The following METTL5 variants were observed in gnomAD, a reference collection of about 807,000 sequenced individuals.
The protein encoded by METTL5 is methyltransferase 5, N6-adenosine, also known as rRNA N(6)-adenosine-methyltransferase METTL5.
METTL5 carries 28 observed loss-of-function variants against 26.5 expected under a neutral mutation model. The observed-to-expected ratio is 1.06, with a 90% CI of 0.78 to 1.45. The LOEUF is 1.45. Ranked by LOEUF, METTL5 falls within the 40% of genes most tolerant of loss-of-function variation. METTL5 has a pLI of 0.00. For synonymous variants in METTL5, 86 were observed against 82.6 expected, an observed-to-expected ratio of 1.04 and a Z score of -0.22; for missense variants, 231 against 249.9, an observed-to-expected ratio of 0.92 and a Z score of 0.51.
chr2:169,812,621 C>T, intron 5 of METTL5, 115 bp from the exon 6 acceptor site: 1 of 1,133,416 alleles, frequency 8.8e-7, no homozygotes, highest in Non-Finnish European at 1.2e-6. Context: ...GTAAGCTGAA[C>T]ATTTTAGAAC....
At chr2:169,817,860 C>T (rs1206516991) in intron 4 of METTL5, among the ~76,000 whole-genome samples, 2 of 151,962 alleles carry the variant, frequency 1.3e-5, no homozygotes, top group Admixed American at 6.6e-5. Flanking sequence ...CACATGTCTA[C>T]GTATGTAACC....
intron 6 of METTL5, 155 bp from the exon 7 acceptor site, chr2:169,812,013 G>A (rs1449873347): frequency 7.2e-5 from 58 of 807,094 alleles, no homozygotes; most frequent in Non-Finnish European, 6.4e-5. Context: ...ATATGAGAAT[G>A]TATTAGTACA....
At chr2:169,821,889 A>G (rs2081589467) in intron 2 of METTL5, 54 bp downstream of exon 2, 2 of 1,492,866 alleles carry the variant, frequency 1.3e-6, no homozygotes, top group Admixed American at 3.4e-5. Context: ...AATCCCATTG[A>G]TGCTCCTTAT....
intron 1 of METTL5, 171 bp downstream of exon 1, chr2:169,824,318 G>A (rs2081623598): frequency 1.7e-6 from 1 of 599,040 alleles, no homozygotes; most frequent in African/African-American, 1.8e-5. Context: ...GTATGTCTGT[G>A]GAGGGTGTGC....
intron 6 of METTL5, chr2:169,812,115 CTAGAATAT>C: frequency 1.8e-6 from 1 of 570,074 alleles, no homozygotes. Flanking sequence ...TAGGAAAGAA[CTAGAATAT>C]TAGCTATTGA....
At chr2:169,812,308 T>G in intron 6 of METTL5, 149 bp downstream of exon 6, 1 of 1,361,614 alleles carries the variant, frequency 7.3e-7, no homozygotes, top group Non-Finnish European at 1.0e-6. Context: ...TGGGGCAATC[T>G]CAGCTCACTG....
intron 3 of METTL5, among the ~76,000 whole-genome samples, chr2:169,819,859 T>C (rs2081559786): frequency 6.6e-6 from 1 of 152,066 alleles, no homozygotes; most frequent in Non-Finnish European, 1.5e-5. Context: ...AAGTAAAAAT[T>C]TTAATATTAT....
intron 1 of METTL5, among the ~76,000 whole-genome samples, chr2:169,822,436 G>A (rs917688863): frequency 8.5e-5 from 13 of 152,148 alleles, no homozygotes; most frequent in Non-Finnish European, 1.9e-4. Context: ...AGAAAGAATG[G>A]TAAGAGTAAA....
In METTL5 at chr2:169,815,485, A is replaced by G. The variant is rs1397218579; in HGVS notation, c.533T>C (p.Ile178Thr). The G allele has an allele frequency of 1.2e-6, 2 of 1,603,102 alleles. No individual in the cohort carries two copies. Among genetic ancestry groups the G allele is most frequent in the East Asian group, 2.2e-5 (1 of 44,738 alleles). ...ATTGAGATTTGTCTTACCTGCTATA[A>G]TATCTATCTTGATTTTCCATTCTGC... ...KAAEWKIKID[I>T]IAELRYDLPA... The change falls in exon 5 of 7, where the codon ATT (isoleucine) becomes ACT (threonine). Residue 178 changes from isoleucine to threonine, a missense_variant. By Grantham distance (89) the Ile-to-Thr change is moderately conservative. Transcript: ENST00000260953.
chr2:169,818,581 T>C (rs762276497), intron 4 of METTL5, among the ~76,000 whole-genome samples: 2 of 152,240 alleles, frequency 1.3e-5, no homozygotes, highest in Non-Finnish European at 2.9e-5. Flanking sequence ...CTACTTATTA[T>C]TAGCAGTATA....
rs560557002 is a variant in METTL5, at chr2:169,823,768, C to T, written c.109+721G>A. Among the ~76,000 whole-genome samples the T allele has an allele frequency of 5.3e-5, 8 of 152,204 alleles. No individual in the cohort carries two copies. The East Asian group carries it at 1.2e-3, about 22-fold the overall frequency. ...TCCTGGAGGTCAAGGCTGCAGTTGC[C>T]GTGATCATGCCACTGCACTCCAGCC... On this transcript the variant is annotated intron_variant, in intron 1 of 6. Transcript: ENST00000260953.
At chr2:169,823,335 G>A (rs1252103334) in intron 1 of METTL5, among the ~76,000 whole-genome samples, 1 of 152,158 alleles carries the variant, frequency 6.6e-6, no homozygotes, top group African/African-American at 2.4e-5. Flanking sequence ...CAGAAGACTA[G>A]TAAGTCATTA....
chr2:169,813,754 T>C (rs1229334794), intron 5 of METTL5, among the ~76,000 whole-genome samples: 1 of 151,384 alleles, frequency 6.6e-6, no homozygotes, highest in Non-Finnish European at 1.5e-5. Flanking sequence ...CCCAGCTAGT[T>C]GGGGAGACTG....
At position 169,821,093 on chromosome 2, in the gene METTL5, T is replaced by G; in HGVS notation, c.405A>C (p.Lys135Asn). 1 of 1,580,938 alleles carries G rather than the reference T, an allele frequency of 6.3e-7. No homozygotes were observed. Among genetic ancestry groups the G allele is most frequent in the Non-Finnish European group, 8.6e-7 (1 of 1,168,194 alleles). Residue 135 changes from lysine to asparagine, a missense_variant and splice_region_variant, in exon 3 of 7, where the codon AAA (lysine) becomes AAC (asparagine). Physicochemically the swap from Lys to Asn is moderately conservative, Grantham distance 94. Coordinates refer to ENST00000260953, the MANE Select transcript of METTL5 (RefSeq NM_014168.4). ...ATATACCCGATTCTTGTTACAAACC[T>G]TTATTATTTTTGGTCCCAAAGGGAG... The part of the protein sequence containing the change: ...MNPPFGTKNN[K>N]GTDMAFLKTA...
chr2:169,824,532 G>A lies in METTL5; in HGVS notation c.66C>T (p.Pro22=), dbSNP rs760500548. 1.9e-6 allele frequency: 3 copies of A among 1,614,132 alleles called. No individual in the cohort carries two copies. Among genetic ancestry groups the A allele is most frequent in the Non-Finnish European group, 2.5e-6 (3 of 1,180,012 alleles). The change falls in exon 1 of 7, where the codon CCC becomes CCT. Residue 22 remains proline, a synonymous_variant. Coordinates refer to ENST00000260953, the MANE Select transcript of METTL5 (RefSeq NM_014168.4). Reference sequence around the variant, plus strand: ...TAGGATACTGTTCCAGAAGTAGCTTGGGCTTTTCAAATCCATCCACTTGTT... The same window carrying A: ...TAGGATACTGTTCCAGAAGTAGCTTAGGCTTTTCAAATCCATCCACTTGTT... ...RLQQVDGFEK[P]KLLLEQYPTR...
chr2:169,815,482 A>G lies in METTL5; in HGVS notation c.536T>C (p.Ile179Thr), dbSNP rs2081492808. 2.5e-6 allele frequency: 4 copies of G among 1,602,380 alleles called. No individual in the cohort carries two copies. Among genetic ancestry groups the G allele is most frequent in the Non-Finnish European group, 2.6e-6 (3 of 1,171,502 alleles). ...AAEWKIKIDIIAELRYDLPAS... is the reference protein window; with the variant it reads ...AAEWKIKIDITAELRYDLPAS... ...AGGATTGAGATTTGTCTTACCTGCT[A>G]TAATATCTATCTTGATTTTCCATTC... Residue 179 changes from isoleucine to threonine, a missense_variant, in exon 5 of 7, where the codon ATA becomes ACA. Coordinates refer to ENST00000260953, the MANE Select transcript of METTL5 (RefSeq NM_014168.4).
intron 4 of METTL5, among the ~76,000 whole-genome samples, chr2:169,819,091 C>A (rs2081548292): frequency 6.6e-6 from 1 of 152,200 alleles, no homozygotes; most frequent in Non-Finnish European, 1.5e-5. Flanking sequence ...TCCTGGACTA[C>A]AACTTATACA....
In METTL5 at chr2:169,822,073, A is replaced by G. The variant is rs754844046; in HGVS notation, c.110-16T>C. On this transcript the variant is annotated splice_polypyrimidine_tract_variant and intron_variant, in intron 1 of 6. Transcript: ENST00000260953. ...AGCATACATGCTAAAAAATAAAAAA[A>G]AAAAGAATAAGTAAGCAAGCCGGTG... 1 of 1,581,546 alleles carries G rather than the reference A, an allele frequency of 6.3e-7. No homozygotes were observed.
At chr2:169,822,593 CT>C (rs983877649) in intron 1 of METTL5, among the ~76,000 whole-genome samples, 3 of 151,186 alleles carry the variant, frequency 2.0e-5, no homozygotes, top group Non-Finnish European at 3.0e-5. Context: ...GACATAGAAT[CT>C]TTTTTTTTCT....
Sources: gnomAD v4.1 joint callset for allele counts (sites outside exome capture counted in the v4.1 genomes callset) on GRCh38, gnomAD v4.1.1 for gene constraint, MANE v1.5 for transcripts, NCBI Gene and HGNC (gene_info 2026-07-23, HGNC 2026-07-21) for gene names.